GRIA2: variants seen among roughly 807,000 people sequenced by gnomAD.
The protein encoded by GRIA2 is glutamate receptor 2.
GRIA2 carries 14 observed loss-of-function variants against 97.3 expected under a neutral mutation model. That is an observed-to-expected ratio of 0.14 (90% confidence interval 0.10 to 0.23). The LOEUF is 0.23. Among genes scored for constraint, GRIA2 ranks in the 10% least tolerant of loss-of-function variants. GRIA2 has a pLI of 1.00. For missense variants in GRIA2, 558 were observed against 1,069.8 expected (o/e 0.52, Z 6.67); for synonymous variants, 412 against 387.8 (o/e 1.06, Z -0.73).
chr4:157,225,354 C>T (rs1729695464), intron 2 of GRIA2, among the ~76,000 whole-genome samples: 1 of 152,012 alleles, frequency 6.6e-6, no homozygotes, highest in Non-Finnish European at 1.5e-5. Flanking sequence ...TTCCTCTCTC[C>T]CCTCACTCAT....
At chr4:157,243,560 A>G (rs1256356214) in intron 2 of GRIA2, among the ~76,000 whole-genome samples, 1 of 152,106 alleles carries the variant, frequency 6.6e-6, no homozygotes, top group Non-Finnish European at 1.5e-5. Flanking sequence ...CCTAAAAGAG[A>G]AAGATCTAAA....
At chr4:157,233,310 T>A (rs1040389861) in intron 2 of GRIA2, among the ~76,000 whole-genome samples, 1 of 152,166 alleles carries the variant, frequency 6.6e-6, no homozygotes, top group Non-Finnish European at 1.5e-5. Flanking sequence ...CTTTATTGCA[T>A]GTCACTTACA....
At chr4:157,306,084 G>C (rs1246521675) in intron 3 of GRIA2, among the ~76,000 whole-genome samples, 1 of 152,136 alleles carries the variant, frequency 6.6e-6, no homozygotes, top group Non-Finnish European at 1.5e-5. Flanking sequence ...GCTAAATTTT[G>C]CTTGCAAAAT....
At chr4:157,297,444 C>T (rs1034941764) in intron 2 of GRIA2, among the ~76,000 whole-genome samples, 1 of 152,014 alleles carries the variant, frequency 6.6e-6, no homozygotes, top group Non-Finnish European at 1.5e-5. Flanking sequence ...TCATGAGAGA[C>T]TCATAGGGCC....
At chr4:157,298,459 A>G (rs2126853518) in intron 2 of GRIA2, among the ~76,000 whole-genome samples, 1 of 152,238 alleles carries the variant, frequency 6.6e-6, no homozygotes, top group South Asian at 2.1e-4. Flanking sequence ...ATGCATGAGC[A>G]GGAAGGGAAA....
intron 2 of GRIA2, among the ~76,000 whole-genome samples, chr4:157,258,227 G>A (rs1329674575): frequency 3.3e-5 from 5 of 152,080 alleles, no homozygotes; most frequent in African/African-American, 9.7e-5. Flanking sequence ...CTGAGAGCCG[G>A]GTGGAACAGA....
chr4:157,243,212 T>C (rs556149303), intron 2 of GRIA2, among the ~76,000 whole-genome samples: 1 of 152,182 alleles, frequency 6.6e-6, no homozygotes, highest in African/African-American at 2.4e-5. Flanking sequence ...TACAAATAAA[T>C]TTTAGAGAGT....
chr4:157,269,275 G>A (rs1048199446), intron 2 of GRIA2, among the ~76,000 whole-genome samples: 1 of 152,012 alleles, frequency 6.6e-6, no homozygotes, highest in African/African-American at 2.4e-5. Context: ...GAAAGAGAAA[G>A]ATGAAACCCG....
chr4:157,349,042 T>C (rs565950371), intron 12 of GRIA2, among the ~76,000 whole-genome samples: 1 of 152,218 alleles, frequency 6.6e-6, no homozygotes, highest in African/African-American at 2.4e-5. Flanking sequence ...GCTAAATCCT[T>C]TTATAAGGCA....
intron 2 of GRIA2, among the ~76,000 whole-genome samples, chr4:157,252,662 A>G (rs1335144609): frequency 6.6e-6 from 1 of 152,128 alleles, no homozygotes; most frequent in Non-Finnish European, 1.5e-5. Flanking sequence ...AATGCATAAT[A>G]TTAGAGAATT....
chr4:157,276,901 G>T (rs1732343087), intron 2 of GRIA2, among the ~76,000 whole-genome samples: 1 of 151,772 alleles, frequency 6.6e-6, no homozygotes, highest in Admixed American at 6.6e-5. Context: ...GTCTATTAAA[G>T]AAATTAAGTC....
chr4:157,352,211 G>A (rs1736039130), intron 12 of GRIA2, among the ~76,000 whole-genome samples: 1 of 152,186 alleles, frequency 6.6e-6, no homozygotes, highest in Non-Finnish European at 1.5e-5. Context: ...CTATGTTGAG[G>A]ATTTTTATGC....
intron 2 of GRIA2, among the ~76,000 whole-genome samples, chr4:157,301,487 A>G (rs1166654846): frequency 2.0e-5 from 3 of 152,198 alleles, no homozygotes; most frequent in Non-Finnish European, 2.9e-5. Flanking sequence ...GTAATAAAGG[A>G]TGTGTAAATT....
chr4:157,233,733 A>G (rs1344829340), intron 2 of GRIA2, among the ~76,000 whole-genome samples: 1 of 152,100 alleles, frequency 6.6e-6, no homozygotes, highest in Non-Finnish European at 1.5e-5. Context: ...GCTCAAAGCA[A>G]TGGAGGAAGG....
At position 157,321,918 on chromosome 4, in the gene GRIA2, C is replaced by T. The variant is rs557025193; in HGVS notation, c.882+319C>T. On this transcript the variant is annotated intron_variant, in intron 6 of 15. Coordinates refer to ENST00000264426, the MANE Select transcript of GRIA2 (RefSeq NM_001083619.3). ...CCAGACACTTTTTTGGCAAATAAGA[C>T]AGGGATAATGTCCCTGCTCACAGTT... 8.6e-5 allele frequency among the ~76,000 whole-genome samples: 13 copies of T among 151,992 alleles called. No homozygotes were observed. The South Asian group carries it at 2.5e-3, about 29-fold the overall frequency.
intron 2 of GRIA2, among the ~76,000 whole-genome samples, chr4:157,275,714 T>A (rs4312806): frequency 0.36 from 54,812 of 151,906 alleles, 10,393 homozygotes; most frequent in African/African-American, 0.47. Flanking sequence ...CTTTGTTCTG[T>A]TCCATTCGTC....
At chr4:157,288,897 G>A (rs2126830671) in intron 2 of GRIA2, among the ~76,000 whole-genome samples, 1 of 151,924 alleles carries the variant, frequency 6.6e-6, no homozygotes, top group South Asian at 2.1e-4. Context: ...ATGTTATAGT[G>A]ATAACTGGAA....
intron 2 of GRIA2, among the ~76,000 whole-genome samples, chr4:157,298,611 CTTTT>C (rs67497887): frequency 3.2e-4 from 11 of 34,320 alleles, no homozygotes; most frequent in Non-Finnish European, 5.0e-4. Flanking sequence ...TGAAGCTAAG[CTTTT>C]TTTTTTTTTT....
At chr4:157,330,733 G>T (rs780126798) in intron 6 of GRIA2, among the ~76,000 whole-genome samples, 4 of 151,874 alleles carry the variant, frequency 2.6e-5, no homozygotes, top group Non-Finnish European at 5.9e-5. Context: ...TTGGAAAATG[G>T]ACTGTAAAAA....
Sources: allele counts gnomAD v4.1 joint callset (sites outside exome capture counted in the v4.1 genomes callset), GRCh38; gene constraint gnomAD v4.1.1; transcripts MANE v1.5; gene names NCBI Gene and HGNC (gene_info 2026-07-23, HGNC 2026-07-21).